Variants in FAF2 observed in about 807,000 individuals in gnomAD.
FAF2 encodes Fas associated factor family member 2, also known as FAS-associated factor 2.
FAF2 carries 9 observed loss-of-function variants against 62.3 expected under a neutral mutation model. The observed-to-expected ratio is 0.14, with a 90% CI of 0.09 to 0.25. FAF2 has a LOEUF of 0.25. Ranked by LOEUF, FAF2 falls within the 10% of genes least tolerant of loss-of-function variation. The probability of loss-of-function intolerance (pLI) is 1.00; values close to 1 mark genes in which losing one functional copy is unlikely to be tolerated. For missense variants in FAF2, 368 were observed against 556.2 expected, an observed-to-expected ratio of 0.66 and a Z score of 3.40; for synonymous variants, 202 against 198.0, an observed-to-expected ratio of 1.02 and a Z score of -0.17.
At chr5:176,471,333 TGAAG>T (rs1758563674) in intron 1 of FAF2, among the ~76,000 whole-genome samples, 1 of 151,988 alleles carries the variant, frequency 6.6e-6, no homozygotes, top group Admixed American at 6.6e-5. Context: ...AAATTTAGAA[TGAAG>T]GGTCTGGGTT....
At position 176,508,682 on chromosome 5, in the gene FAF2, T is replaced by G. The variant is rs1755727937; in HGVS notation, c.*1732T>G. 6.6e-6 allele frequency: 1 copy of G among 152,176 alleles called. No individual in the cohort carries two copies. Among genetic ancestry groups the G allele is most frequent in the Non-Finnish European group, 1.5e-5 (1 of 68,036 alleles). The allele number at this position is 152,176 out of a possible 1,614,324, so 9.4% of individuals were successfully genotyped here. A position where few individuals can be genotyped will look rare whatever the true frequency, so the allele number is the denominator to read the frequency against. ...GGCCAGCTATTGTTCTTCCACTTCG[T>G]TTTCTGCTGTCCCAAGGCCAGATGA... is the stretch of plus-strand genomic sequence containing the variant. On this transcript the variant is annotated 3_prime_UTR_variant, in exon 11 of 11. Coordinates refer to ENST00000261942, the MANE Select transcript of FAF2 (RefSeq NM_014613.3).
intron 1 of FAF2, among the ~76,000 whole-genome samples, chr5:176,473,127 A>G (rs933773677): frequency 6.6e-6 from 1 of 152,040 alleles, no homozygotes; most frequent in African/African-American, 2.4e-5. Context: ...CTTTATTCTG[A>G]TTCTCTTAGT....
intron 9 of FAF2, 35 bp from the exon 10 acceptor site, chr5:176,499,966 TGA>T: frequency 6.2e-7 from 1 of 1,606,764 alleles, no homozygotes; most frequent in Non-Finnish European, 8.5e-7. Flanking sequence ...ATTTATTTCT[TGA>T]GCTGTAGCCT....
At chr5:176,451,819 T>TATATACAC (rs1561813429) in intron 1 of FAF2, among the ~76,000 whole-genome samples, 1 of 49,696 alleles carries the variant, frequency 2.0e-5, no homozygotes, top group African/African-American at 7.6e-5. Context: ...TACACACATA[T>TATATACAC]ATATATATAC....
intron 8 of FAF2, chr5:176,496,913 G>A (rs926020610): frequency 9.3e-5 from 24 of 258,402 alleles, no homozygotes; most frequent in African/African-American, 4.2e-4. Flanking sequence ...ATCCTAGCAC[G>A]TTAGGAGGCT....
intron 2 of FAF2, among the ~76,000 whole-genome samples, chr5:176,484,221 A>G (rs1561823201): frequency 6.6e-6 from 1 of 152,280 alleles, no homozygotes; most frequent in East Asian, 1.9e-4. Context: ...AGCCCCCTCC[A>G]CCCACAGTTT....
intron 1 of FAF2, among the ~76,000 whole-genome samples, chr5:176,449,140 G>T (rs949714819): frequency 2.6e-5 from 4 of 152,224 alleles, no homozygotes; most frequent in African/African-American, 9.6e-5. Flanking sequence ...GAAATGTTAT[G>T]TTAATACAAG....
At chr5:176,484,452 C>A (rs1346452358) in intron 2 of FAF2, among the ~76,000 whole-genome samples, 1 of 152,188 alleles carries the variant, frequency 6.6e-6, no homozygotes, top group Non-Finnish European at 1.5e-5. Flanking sequence ...CAGTTAGTAG[C>A]CGTTATCAGA....
intron 1 of FAF2, among the ~76,000 whole-genome samples, chr5:176,466,839 C>T (rs1758477444): frequency 6.6e-6 from 1 of 152,206 alleles, no homozygotes; most frequent in East Asian, 1.9e-4. Context: ...GAATAGTTCA[C>T]ACACTTCCCC....
At chr5:176,456,680 ACTTAATTATAGAGG>A (rs1758282053) in intron 1 of FAF2, among the ~76,000 whole-genome samples, 1 of 151,970 alleles carries the variant, frequency 6.6e-6, no homozygotes, top group South Asian at 2.1e-4. Context: ...CCAATATAAC[ACTTAATTATAGAGG>A]CTTATGATAT....
At chr5:176,448,541 C>T in intron 1 of FAF2, 71 bp downstream of exon 1, 2 of 1,438,024 alleles carry the variant, frequency 1.4e-6, no homozygotes, top group East Asian at 2.5e-5. Flanking sequence ...GAGTTCAGAA[C>T]CCTCCTCAGA....
intron 10 of FAF2, among the ~76,000 whole-genome samples, chr5:176,505,532 T>A (rs565219800): frequency 1.4e-4 from 21 of 152,306 alleles, no homozygotes; most frequent in Admixed American, 7.8e-4. Context: ...AGTTCTTTAG[T>A]GGTGATTTGT....
intron 10 of FAF2, among the ~76,000 whole-genome samples, chr5:176,505,091 G>A (rs907296673): frequency 6.6e-6 from 1 of 151,938 alleles, no homozygotes; most frequent in Admixed American, 6.6e-5. Context: ...TTACACAGAG[G>A]GGTATAAAAC....
At chr5:176,482,058 A>T (rs1758790299) in intron 2 of FAF2, among the ~76,000 whole-genome samples, 1 of 152,104 alleles carries the variant, frequency 6.6e-6, no homozygotes, top group Non-Finnish European at 1.5e-5. Flanking sequence ...CACCCTAGTG[A>T]TCTAGGGTGG....
chr5:176,472,291 C>G (rs556316073), intron 1 of FAF2, among the ~76,000 whole-genome samples: 2 of 151,996 alleles, frequency 1.3e-5, no homozygotes, highest in Non-Finnish European at 2.9e-5. Context: ...GGATCACAGG[C>G]GCACACCACC....
intron 2 of FAF2, among the ~76,000 whole-genome samples, chr5:176,480,037 CT>C (rs1434066583): frequency 1.3e-5 from 2 of 152,138 alleles, no homozygotes; most frequent in African/African-American, 4.8e-5. Context: ...TTAGTTGTTA[CT>C]TTGAGATAGA....
rs545894411 is a variant in FAF2, at chr5:176,472,425, G to A, written c.64-6763G>A. Among the ~76,000 whole-genome samples, 37 of 152,094 alleles carry A rather than the reference G, an allele frequency of 2.4e-4. No homozygotes were observed. In the South Asian group the frequency reaches 7.3e-3, roughly 30 times the overall value. On this transcript the variant is annotated intron_variant, in intron 1 of 10. Transcript: ENST00000261942. ...CTCCCAAAGTGCTGGGATTACAGGC[G>A]TGATCCACCACGCCCAGCTTGTTTT... is the stretch of plus-strand genomic sequence containing the variant.
chr5:176,486,456 C>G lies in FAF2; in HGVS notation c.234C>G (p.Ile78Met). Residue 78 changes from isoleucine to methionine, a missense_variant, in exon 3 of 11, where the codon ATC becomes ATG. Around this residue, in one of 2 missense-constraint regions of FAF2, gnomAD observed 331 missense variants for 441.9 expected, o/e 0.75. Transcript: ENST00000261942. ...PLQVNTADHR[I>M]YSYVVSRPQP... ...AGGTTAATACAGCTGACCACAGGATCTACAGCTATGTTGTCTCAAGACCTC... is the reference window on the plus strand; with the variant it reads ...AGGTTAATACAGCTGACCACAGGATGTACAGCTATGTTGTCTCAAGACCTC... 5.0e-6 allele frequency: 8 copies of G among 1,614,164 alleles called. No individual in the cohort carries two copies. The highest frequency in any genetic ancestry group is 6.8e-6 in the Non-Finnish European group (8 of 1,179,994).
intron 1 of FAF2, among the ~76,000 whole-genome samples, chr5:176,468,298 A>G (rs183827229): frequency 3.2e-4 from 48 of 152,132 alleles, no homozygotes; most frequent in Non-Finnish European, 4.3e-4. Context: ...ATAGAAGTAA[A>G]TAGAGGCTGG....
Sources: allele counts gnomAD v4.1 joint callset (sites outside exome capture counted in the v4.1 genomes callset), GRCh38; gene constraint gnomAD v4.1.1; regional missense constraint gnomAD v4.1.1; transcripts MANE v1.5; gene names NCBI Gene and HGNC (gene_info 2026-07-23, HGNC 2026-07-21).